CACNB3: variants seen among roughly 807,000 people sequenced by gnomAD.
CACNB3 encodes calcium voltage-gated channel auxiliary subunit beta 3, also known as voltage-dependent L-type calcium channel subunit beta-3.
A neutral mutation model predicts 63.7 loss-of-function variants in CACNB3; 36 were observed. The observed-to-expected ratio is 0.57, with a 90% CI of 0.43 to 0.75. CACNB3 has a LOEUF of 0.75. CACNB3 is among the 30% of genes least tolerant of loss of function. The probability of loss-of-function intolerance (pLI) is 0.00; values close to 1 mark genes in which losing one functional copy is unlikely to be tolerated. For missense variants in CACNB3, 493 were observed against 648.6 expected (o/e 0.76, Z 2.61); for synonymous variants, 241 against 250.6 (o/e 0.96, Z 0.36).
chr12:48,815,828 G>A (rs2137431761), upstream of CACNB3: 3 of 822,104 alleles, frequency 3.6e-6, no homozygotes, highest in South Asian at 2.9e-5. Flanking sequence ...GTTTGGGGGA[G>A]ACTGCACCGA....
rs1239877146 is a variant in CACNB3, at chr12:48,828,936, A to G, written c.*1037A>G. On this transcript the variant is annotated 3_prime_UTR_variant, in exon 13 of 13. Transcript: ENST00000301050. ...CTGTCATCACTAATAAACATCATGCACAGTCCCTCCGGCTTCTGTTCTGTC... is the reference window on the plus strand; with the variant it reads ...CTGTCATCACTAATAAACATCATGCGCAGTCCCTCCGGCTTCTGTTCTGTC... 2.8e-6 allele frequency: 1 copy of G among 352,258 alleles called. No individual in the cohort carries two copies. The highest frequency in any genetic ancestry group is 2.1e-5 in the African/African-American group (1 of 46,736). 21.8% of individuals were successfully genotyped at this position (352,258 alleles called of 1,614,324 possible). A position where few individuals can be genotyped will look rare whatever the true frequency, so the allele number is the denominator to read the frequency against.
upstream of CACNB3, chr12:48,818,421 G>A: frequency 3.0e-6 from 3 of 985,642 alleles, no homozygotes; most frequent in East Asian, 1.1e-4. The surrounding 1 kb of genome is among the most constrained non-coding windows in gnomAD (Gnocchi z 4.3). Context: ...CTGGGTTGCC[G>A]AGCGTCTCTG....
Position 48,825,345 on chromosome 12 carries a change from G to C in CACNB3, c.574-89G>C, listed in dbSNP as rs991335921. ...GGTGTGTCTCCTCCGTCCAGGGTGT[G>C]TATGTGGAGCGCATTGACTCTGGGG... On this transcript the variant is annotated intron_variant, in intron 7 of 12. Transcript: ENST00000301050. This position sits in a 1 kb window ranked among gnomAD's most constrained non-coding sequence, Gnocchi z 4.5. The C allele has an allele frequency of 4.5e-6, 7 of 1,569,476 alleles. No individual in the cohort carries two copies. Among genetic ancestry groups the C allele is most frequent in the Non-Finnish European group, 1.8e-6 (2 of 1,139,794 alleles).
At chr12:48,821,075 T>G (rs910901744) in intron 1 of CACNB3, 4 of 151,690 alleles carry the variant, frequency 2.6e-5, no homozygotes, top group African/African-American at 4.9e-5. Flanking sequence ...TCCCAACTAC[T>G]CAGGAGGCTG....
chr12:48,828,127 A>C lies in CACNB3; in HGVS notation c.*228A>C. The C allele has an allele frequency of 1.7e-6, 1 of 585,772 alleles. No individual in the cohort carries two copies. The highest frequency in any genetic ancestry group is 3.1e-6 in the Non-Finnish European group (1 of 327,678). 36.3% of individuals were successfully genotyped at this position (585,772 alleles called of 1,614,324 possible). ...CTACTAGGCTCCCATTCCAGGTACT[A>C]GCTGTGTGTTCTGCACCCCTGGCAC... On this transcript the variant is annotated 3_prime_UTR_variant, in exon 13 of 13. Transcript: ENST00000301050.
upstream of CACNB3, chr12:48,815,724 A>G: frequency 1.1e-6 from 1 of 909,220 alleles, no homozygotes; most frequent in Non-Finnish European, 1.6e-6. Flanking sequence ...TTCCTGCTGA[A>G]CGAGGTAACC....
rs756112767 is a variant in CACNB3, at chr12:48,823,732, C to T, written c.220C>T (p.Leu74=). Residue 74 remains leucine (L), a synonymous_variant, in exon 3 of 13, where the codon CTG becomes TTG. Coordinates refer to ENST00000301050, the MANE Select transcript of CACNB3 (RefSeq NM_000725.4). The surrounding 1 kb of genome is among the most constrained non-coding windows in gnomAD (Gnocchi z 4.2). ...VRTNVSYCGV[L]DEECPVQGSG... ...GACCAATGTCAGCTACTGTGGCGTA[C>T]TGGATGAGGAGTGCCCAGTCCAGGG... 5 of 1,614,048 alleles carry T rather than the reference C, an allele frequency of 3.1e-6. No individual in the cohort carries two copies. The highest frequency in any genetic ancestry group is 3.4e-6 in the Non-Finnish European group (4 of 1,180,030).
rs185586531 is a variant in CACNB3, at chr12:48,824,553, C to G, written c.408-116C>G. On this transcript the variant is annotated intron_variant, in intron 4 of 12. Transcript: ENST00000301050. ...AACACACACACATATTGCATGTACA[C>G]CTGTCTCACTAGATAAAGCATATGG... 6.4e-4 allele frequency: 729 copies of G among 1,133,664 alleles called. 6 individuals are homozygous for G. The African/African-American group carries it at 8.9e-3, about 14-fold the overall frequency. The allele number at this position is 1,133,664 out of a possible 1,614,324, so 70.2% of individuals were successfully genotyped here.
chr12:48,819,990 C>T (rs1439745971), intron 1 of CACNB3: 1 of 225,432 alleles, frequency 4.4e-6, no homozygotes, highest in African/African-American at 2.3e-5. Flanking sequence ...TTGGAAGGGG[C>T]CCCAATAGGT....
At chr12:48,818,124 C>G (rs1458327998), upstream of CACNB3, among the ~76,000 whole-genome samples, 3 of 152,224 alleles carry the variant, frequency 2.0e-5, no homozygotes, top group African/African-American at 7.2e-5. This position sits in a 1 kb window ranked among gnomAD's most constrained non-coding sequence, Gnocchi z 4.3. Context: ...CCATTCCTCC[C>G]CGGGACCACT....
In CACNB3 at chr12:48,823,925, A is replaced by G; in HGVS notation, c.291+122A>G. 1 of 1,259,044 alleles carries G rather than the reference A, an allele frequency of 7.9e-7. No individual in the cohort carries two copies. Among genetic ancestry groups the G allele is most frequent in the Non-Finnish European group, 1.1e-6 (1 of 894,554 alleles). 78.0% of individuals were successfully genotyped at this position (1,259,044 alleles called of 1,614,324 possible). A position where few individuals can be genotyped will look rare whatever the true frequency, so the allele number is the denominator to read the frequency against. On this transcript the variant is annotated intron_variant, in intron 3 of 12. Coordinates refer to ENST00000301050, the MANE Select transcript of CACNB3 (RefSeq NM_000725.4). The surrounding 1 kb of genome is among the most constrained non-coding windows in gnomAD (Gnocchi z 4.2). The stretch of plus-strand genomic sequence containing the variant: ...CCAAGCTAATCAGCTCTTCTCCTTA[A>G]CACACACCTGTCCACCCCTCATATC...
At chr12:48,818,430 T>G (rs1942344848), upstream of CACNB3, 13 of 986,654 alleles carry the variant, frequency 1.3e-5, no homozygotes, top group Non-Finnish European at 1.4e-5. The surrounding 1 kb of genome is among the most constrained non-coding windows in gnomAD (Gnocchi z 4.3). Flanking sequence ...CGAGCGTCTC[T>G]GTCTCCGCAT....
upstream of CACNB3, chr12:48,815,704 C>A (rs1225961542): frequency 2.0e-6 from 3 of 1,511,678 alleles, no homozygotes; most frequent in Admixed American, 4.0e-5. Context: ...TTTCTGACTC[C>A]AGTGCAACCT....
chr12:48,814,562 G>C, upstream of CACNB3: 25 of 1,516,558 alleles, frequency 1.6e-5, no homozygotes, highest in Non-Finnish European at 2.2e-5. The surrounding 1 kb of genome is among the most constrained non-coding windows in gnomAD (Gnocchi z 6.9). Context: ...AGGTAGGGAC[G>C]GGCTAGGGTC....
At position 48,818,776 on chromosome 12, in the gene CACNB3, C is replaced by T. The variant is rs79551736; in HGVS notation, c.-154C>T. 1 of 1,348,170 alleles carries T rather than the reference C, an allele frequency of 7.4e-7. No individual in the cohort carries two copies. Among genetic ancestry groups the T allele is most frequent in the African/African-American group, 1.6e-5 (1 of 64,158 alleles). The allele number at this position is 1,348,170 out of a possible 1,614,324, so 83.5% of individuals were successfully genotyped here. A position where few individuals can be genotyped will look rare whatever the true frequency, so the allele number is the denominator to read the frequency against. On this transcript the variant is annotated 5_prime_UTR_variant, in exon 1 of 13. Transcript: ENST00000301050. The surrounding 1 kb of genome is among the most constrained non-coding windows in gnomAD (Gnocchi z 4.3). The stretch of plus-strand genomic sequence containing the variant: ...AGCTCCGAGCAGCTGGTCTTCGCGG[C>T]TCGCTCCCTCCTTCGCGCTCTCTCG...
In CACNB3 at chr12:48,825,271, G is replaced by A. The variant is rs767921877; in HGVS notation, c.573+28G>A. The A allele has an allele frequency of 2.1e-5, 34 of 1,606,408 alleles. No homozygotes were observed. The highest frequency in any genetic ancestry group is 2.7e-5 in the Non-Finnish European group (32 of 1,173,986). ...GAGAGGAGGTCCTTGACCCCAAAGA[G>A]TCACCTCTACCAAGCCTGCCACAGG... On this transcript the variant is annotated intron_variant, in intron 7 of 12. Coordinates refer to ENST00000301050, the MANE Select transcript of CACNB3 (RefSeq NM_000725.4). The surrounding 1 kb of genome is among the most constrained non-coding windows in gnomAD (Gnocchi z 4.5).
chr12:48,815,376 G>A (rs899463269), upstream of CACNB3: 15 of 452,590 alleles, frequency 3.3e-5, no homozygotes, highest in Non-Finnish European at 5.6e-5. Flanking sequence ...AAGGACAGTG[G>A]GAGGCACACG....
chr12:48,818,130 C>T (rs34014405), upstream of CACNB3, among the ~76,000 whole-genome samples: 19,756 of 152,250 alleles, frequency 0.13, 1,709 homozygotes, highest in Non-Finnish European at 0.19. This position sits in a 1 kb window ranked among gnomAD's most constrained non-coding sequence, Gnocchi z 4.3. Flanking sequence ...CTCCCCGGGA[C>T]CACTGCGGGG....
upstream of CACNB3, chr12:48,815,629 T>A: frequency 6.5e-7 from 1 of 1,532,116 alleles, no homozygotes; most frequent in Non-Finnish European, 8.7e-7. Flanking sequence ...CGGCCGGGTT[T>A]TGCTCCCGCC....
Sources: allele counts gnomAD v4.1 joint callset (sites outside exome capture counted in the v4.1 genomes callset), GRCh38; gene constraint gnomAD v4.1.1; non-coding constraint Gnocchi (gnomAD v3.1); transcripts MANE v1.5; gene names NCBI Gene and HGNC (gene_info 2026-07-23, HGNC 2026-07-21).